The following MARCHF1 variants were observed in gnomAD, a reference collection of about 807,000 sequenced individuals.
MARCHF1 encodes the protein membrane associated ring-CH-type finger 1, also known as E3 ubiquitin-protein ligase MARCHF1.
Under a neutral mutation model 54.2 loss-of-function variants are expected in MARCHF1, and 40 were observed. The observed-to-expected ratio is 0.74, with a 90% CI of 0.57 to 0.96. The LOEUF (loss-of-function observed/expected upper bound fraction) is 0.96, where lower values mean the gene tolerates loss of function less well. Ranked by LOEUF, MARCHF1 falls within the 40% of genes least tolerant of loss-of-function variation. The pLI is 0.00. For synonymous variants in MARCHF1, 236 were observed against 236.3 expected, an observed-to-expected ratio of 1.00 and a Z score of 0.01; for missense variants, 586 against 656.5, an observed-to-expected ratio of 0.89 and a Z score of 1.17.
intron 4 of MARCHF1, among the ~76,000 whole-genome samples, chr4:163,777,854 A>G (rs1341097492): frequency 6.6e-6 from 1 of 152,168 alleles, no homozygotes; most frequent in East Asian, 1.9e-4. Flanking sequence ...TTGACTAATC[A>G]CCAACACAAT....
chr4:163,589,815 T>G (rs897381375), intron 7 of MARCHF1, among the ~76,000 whole-genome samples: 1 of 152,090 alleles, frequency 6.6e-6, no homozygotes, highest in African/African-American at 2.4e-5. Context: ...GGGAACTGAA[T>G]GATTCTATAA....
chr4:163,975,762 T>C (rs1752637601), intron 3 of MARCHF1, among the ~76,000 whole-genome samples: 2 of 152,170 alleles, frequency 1.3e-5, no homozygotes, highest in Admixed American at 1.3e-4. Context: ...CTGAGAATCA[T>C]AAGGGCCTTA....
At chr4:164,051,066 C>T (rs1021580520) in intron 2 of MARCHF1, among the ~76,000 whole-genome samples, 1 of 152,190 alleles carries the variant, frequency 6.6e-6, no homozygotes, top group Non-Finnish European at 1.5e-5. Context: ...AAATAATTAT[C>T]TTGAAATGAG....
chr4:164,214,447 T>C (rs894960489), intron 1 of MARCHF1, among the ~76,000 whole-genome samples: 10 of 152,108 alleles, frequency 6.6e-5, no homozygotes, highest in Non-Finnish European at 1.3e-4. Context: ...TATAACTTCA[T>C]TGAATCCCCA....
chr4:163,803,325 C>T (rs1252296614), intron 4 of MARCHF1, among the ~76,000 whole-genome samples: 1 of 152,094 alleles, frequency 6.6e-6, no homozygotes, highest in Non-Finnish European at 1.5e-5. Context: ...AGGTGTGCGC[C>T]ACCACGCCTG....
At chr4:164,297,527 G>GT (rs1734443274) in intron 1 of MARCHF1, among the ~76,000 whole-genome samples, 1 of 152,148 alleles carries the variant, frequency 6.6e-6, no homozygotes, top group African/African-American at 2.4e-5. Flanking sequence ...TGTAAAGGTT[G>GT]TGAAAAGCAA....
intron 2 of MARCHF1, among the ~76,000 whole-genome samples, chr4:164,002,557 T>C (rs1753207448): frequency 6.6e-6 from 1 of 151,284 alleles, no homozygotes; most frequent in African/African-American, 2.4e-5. Context: ...AGTGAATCAG[T>C]AACATGTGGG....
At chr4:163,542,522 G>C (rs1244258470) in intron 9 of MARCHF1, among the ~76,000 whole-genome samples, 1 of 152,204 alleles carries the variant, frequency 6.6e-6, no homozygotes, top group Admixed American at 6.5e-5. Flanking sequence ...AACCTCTGGG[G>C]ATAAAGCCCA....
chr4:164,316,523 C>G (rs1285539245), intron 1 of MARCHF1, among the ~76,000 whole-genome samples: 1 of 152,104 alleles, frequency 6.6e-6, no homozygotes, highest in Non-Finnish European at 1.5e-5. Context: ...TAAAAAGACA[C>G]AATAACAAAA....
chr4:164,210,957 A>G (rs1040500454), intron 1 of MARCHF1, among the ~76,000 whole-genome samples: 5 of 152,140 alleles, frequency 3.3e-5, no homozygotes, highest in Non-Finnish European at 7.4e-5. Context: ...CCAGGTATAG[A>G]AAGACAATTA....
chr4:163,912,766 G>A (rs138308204), intron 3 of MARCHF1, among the ~76,000 whole-genome samples: 3 of 152,244 alleles, frequency 2.0e-5, no homozygotes, highest in Non-Finnish European at 4.4e-5. Flanking sequence ...AAGATTGTCT[G>A]CCGGCCTTAA....
intron 1 of MARCHF1, among the ~76,000 whole-genome samples, chr4:164,317,078 G>A (rs1199166279): frequency 6.6e-6 from 1 of 152,094 alleles, no homozygotes; most frequent in Non-Finnish European, 1.5e-5. Context: ...TTATTGCCTT[G>A]ATCATTATAC....
chr4:164,346,539 A>C (rs966591559), intron 1 of MARCHF1, among the ~76,000 whole-genome samples: 4 of 148,842 alleles, frequency 2.7e-5, no homozygotes, highest in African/African-American at 9.9e-5. Flanking sequence ...TGGTATCTGT[A>C]GTACCAAACC....
intron 7 of MARCHF1, among the ~76,000 whole-genome samples, chr4:163,592,227 C>CT (rs1389694404): frequency 6.6e-6 from 1 of 152,084 alleles, no homozygotes; most frequent in East Asian, 1.9e-4. Context: ...AATATGTACT[C>CT]TTTTTTACAT....
chr4:164,121,913 A>G (rs1428948954), intron 1 of MARCHF1, among the ~76,000 whole-genome samples: 1 of 152,172 alleles, frequency 6.6e-6, no homozygotes, highest in Non-Finnish European at 1.5e-5. Flanking sequence ...ACAGGCCAAT[A>G]TCTCTGATGA....
chr4:164,179,456 T>G (rs1182191221), intron 1 of MARCHF1, among the ~76,000 whole-genome samples: 1 of 152,156 alleles, frequency 6.6e-6, no homozygotes, highest in Admixed American at 6.5e-5. Flanking sequence ...TAGTAAATAA[T>G]ACACTAATAC....
chr4:163,833,302 C>T (rs1050584339), intron 4 of MARCHF1, among the ~76,000 whole-genome samples: 1 of 152,138 alleles, frequency 6.6e-6, no homozygotes, highest in African/African-American at 2.4e-5. Flanking sequence ...AGGACATAGG[C>T]ATGGGCAAGA....
At chr4:164,357,962 T>C (rs1374247376) in intron 1 of MARCHF1, among the ~76,000 whole-genome samples, 1 of 152,100 alleles carries the variant, frequency 6.6e-6, no homozygotes, top group Non-Finnish European at 1.5e-5. Context: ...AGATTTTCGG[T>C]GATCAGGTGA....
intron 1 of MARCHF1, chr4:164,188,737 TGAAAA>T (rs1254793826): frequency 1.4e-5 from 14 of 1,026,704 alleles, no homozygotes; most frequent in Non-Finnish European, 1.9e-5. Flanking sequence ...TCAAGGTAGT[TGAAAA>T]GAAAACTAAA....
Sources: allele counts gnomAD v4.1 joint callset (sites outside exome capture counted in the v4.1 genomes callset), GRCh38; gene constraint gnomAD v4.1.1; transcripts MANE v1.5; gene names NCBI Gene and HGNC (gene_info 2026-07-23, HGNC 2026-07-21).